Variants in ATAD1 observed in about 807,000 individuals in gnomAD.
The protein encoded by ATAD1 is outer mitochondrial transmembrane helix translocase.
A neutral mutation model predicts 42.7 loss-of-function variants in ATAD1; 18 were observed. The observed-to-expected ratio is 0.42, with a 90% CI of 0.29 to 0.63. The LOEUF is 0.63. Among genes scored for constraint, ATAD1 ranks in the 20% least tolerant of loss-of-function variants. The probability of loss-of-function intolerance (pLI) is 0.19; values close to 1 mark genes in which losing one functional copy is unlikely to be tolerated. For synonymous variants in ATAD1, 132 were observed against 143.1 expected, an observed-to-expected ratio of 0.92 and a Z score of 0.55; for missense variants, 294 against 440.4, an observed-to-expected ratio of 0.67 and a Z score of 2.98.
chr10:87,786,753 G>A (rs1459741928), intron 4 of ATAD1, among the ~76,000 whole-genome samples: 1 of 151,996 alleles, frequency 6.6e-6, no homozygotes, highest in African/African-American at 2.4e-5. Flanking sequence ...TGAGGAGATC[G>A]AGACCATCCT....
intron 4 of ATAD1, among the ~76,000 whole-genome samples, chr10:87,788,799 A>G (rs1855955070): frequency 6.6e-6 from 1 of 152,232 alleles, no homozygotes; most frequent in Non-Finnish European, 1.5e-5. Flanking sequence ...AATAACCTGG[A>G]AGAGGGTAGT....
intron 2 of ATAD1, among the ~76,000 whole-genome samples, chr10:87,809,876 C>T (rs1301504804): frequency 1.3e-5 from 2 of 152,002 alleles, no homozygotes; most frequent in African/African-American, 4.8e-5. Context: ...AAACTCCTGA[C>T]CTCAGGTGAT....
chr10:87,785,730 A>T (rs988819148), intron 4 of ATAD1, among the ~76,000 whole-genome samples: 31 of 144,024 alleles, frequency 2.2e-4, no homozygotes, highest in Non-Finnish European at 2.9e-4. Flanking sequence ...ATCTCAATTT[A>T]AAAAAAAAAA....
chr10:87,809,796 G>C (rs1436016145), intron 2 of ATAD1, among the ~76,000 whole-genome samples: 2 of 151,842 alleles, frequency 1.3e-5, no homozygotes, highest in Non-Finnish European at 2.9e-5. Flanking sequence ...ACAGGAACAT[G>C]CCACCACGCC....
intron 8 of ATAD1, among the ~76,000 whole-genome samples, chr10:87,766,624 T>C (rs1854763932): frequency 6.6e-6 from 1 of 151,998 alleles, no homozygotes; most frequent in African/African-American, 2.4e-5. Context: ...TAAAAATATA[T>C]GGTAAAATGC....
At chr10:87,837,600 C>T (rs1237377295) in intron 1 of ATAD1, among the ~76,000 whole-genome samples, 2 of 152,156 alleles carry the variant, frequency 1.3e-5, no homozygotes, top group African/African-American at 4.8e-5. Flanking sequence ...GAGTTCCTCC[C>T]TCTTCATGGT....
intron 7 of ATAD1, among the ~76,000 whole-genome samples, chr10:87,769,900 G>A (rs965247782): frequency 2.0e-5 from 3 of 151,902 alleles, no homozygotes; most frequent in South Asian, 2.1e-4. Context: ...CCAAGATCGC[G>A]TCACTGCACT....
chr10:87,792,873 A>C, intron 2 of ATAD1, 118 bp from the exon 3 acceptor site: 1 of 723,746 alleles, frequency 1.4e-6, no homozygotes, highest in South Asian at 1.7e-5. Context: ...GAAATTTCCA[A>C]GGATATTCTA....
At chr10:87,822,723 A>T (rs1857653670), upstream of ATAD1, among the ~76,000 whole-genome samples, 1 of 152,166 alleles carries the variant, frequency 6.6e-6, no homozygotes, top group African/African-American at 2.4e-5. Context: ...CTAGTATTTG[A>T]CAACACAGCA....
rs1302163381 is a variant in ATAD1 at position 87,754,231 on chromosome 10, G to C, written c.*456C>G. 3 of 152,542 alleles carry C rather than the reference G, an allele frequency of 2.0e-5. No homozygotes were observed. The highest frequency in any genetic ancestry group is 6.6e-5 in the Admixed American group (1 of 15,262). 9.4% of individuals were successfully genotyped at this position (152,542 alleles called of 1,614,324 possible). A position where few individuals can be genotyped will look rare whatever the true frequency, so the allele number is the denominator to read the frequency against. The stretch of plus-strand genomic sequence containing the variant: ...GGATTCAGTAGTTGGGGTAAAAAAA[G>C]TTTCTATATTCAAACATATCTACAG... On this transcript the variant is annotated 3_prime_UTR_variant, in exon 10 of 10. Transcript: ENST00000680024.
At chr10:87,814,352 A>C (rs1020916727) in intron 2 of ATAD1, 86 bp downstream of exon 2, 2 of 1,289,658 alleles carry the variant, frequency 1.6e-6, no homozygotes, top group African/African-American at 3.0e-5. Context: ...TTTCTCATTA[A>C]TTTGTGAACT....
chr10:87,830,065 A>G (rs778389086), intron 1 of ATAD1, among the ~76,000 whole-genome samples: 5 of 152,232 alleles, frequency 3.3e-5, no homozygotes, highest in Non-Finnish European at 7.3e-5. Context: ...GAGTAACAGC[A>G]GGACACTGGG....
chr10:87,760,427 A>G (rs1285998202), intron 8 of ATAD1, among the ~76,000 whole-genome samples: 1 of 152,074 alleles, frequency 6.6e-6, no homozygotes, highest in Non-Finnish European at 1.5e-5. Context: ...GCCTTTGACC[A>G]TGATTGTTAA....
chr10:87,791,455 G>GAA (rs35065453), intron 3 of ATAD1, among the ~76,000 whole-genome samples: 11 of 148,950 alleles, frequency 7.4e-5, no homozygotes, highest in Non-Finnish European at 1.2e-4. Flanking sequence ...AGCCAGATCT[G>GAA]AAAAAAAAAA....
intron 1 of ATAD1, among the ~76,000 whole-genome samples, chr10:87,815,655 T>C (rs74146226): frequency 0.015 from 2,272 of 152,136 alleles, 57 homozygotes; most frequent in African/African-American, 0.051. Context: ...TACTACTAAA[T>C]TAAAGAGCCT....
chr10:87,815,114 C>A (rs1275647227), intron 1 of ATAD1, among the ~76,000 whole-genome samples: 1 of 151,956 alleles, frequency 6.6e-6, no homozygotes, highest in Non-Finnish European at 1.5e-5. Flanking sequence ...GTTTTCAAGG[C>A]CTGCTTAAAT....
intron 5 of ATAD1, among the ~76,000 whole-genome samples, chr10:87,779,692 C>T (rs1344330934): frequency 6.6e-6 from 1 of 152,152 alleles, no homozygotes; most frequent in Non-Finnish European, 1.5e-5. Flanking sequence ...CAAAGATACA[C>T]AGATGACAAA....
Position 87,754,753 on chromosome 10 carries a change from A to C in ATAD1, c.1020T>G (p.Ile340Met). The C allele has an allele frequency of 6.2e-7, 1 of 1,613,824 alleles. No individual in the cohort carries two copies. The highest frequency in any genetic ancestry group is 1.1e-5 in the South Asian group (1 of 91,068). The change falls in exon 10 of 10, where the codon ATT (isoleucine) becomes ATG (methionine). Residue 340 changes from isoleucine (I) to methionine (M), a missense_variant. Physicochemically the swap from Ile to Met is conservative, Grantham distance 10 (BLOSUM62 1). Transcript: ENST00000680024. ...PVQQQDLHRA[I>M]EKMKKSKDAA... ...CATCCTTTGATTTCTTCATCTTTTC[A>C]ATTGCCCGATGCAGGTCCTGCTGTT... is the stretch of plus-strand genomic sequence containing the variant.
At chr10:87,824,576 A>G (rs998228365) in intron 1 of ATAD1, among the ~76,000 whole-genome samples, 1 of 152,236 alleles carries the variant, frequency 6.6e-6, no homozygotes, top group African/African-American at 2.4e-5. Flanking sequence ...AATGCCTGGC[A>G]CTTAGCAAGT....
Sources: gnomAD v4.1 joint callset for allele counts (sites outside exome capture counted in the v4.1 genomes callset) on GRCh38, gnomAD v4.1.1 for gene constraint, MANE v1.5 for transcripts, NCBI Gene and HGNC (gene_info 2026-07-23, HGNC 2026-07-21) for gene names.